Variants in EXT2 observed in about 807,000 individuals in gnomAD.
The protein encoded by EXT2 is exostosin-2.
EXT2 carries 53 observed loss-of-function variants against 81.6 expected under a neutral mutation model. That is an observed-to-expected ratio of 0.65 (90% CI 0.52 to 0.82). The LOEUF (loss-of-function observed/expected upper bound fraction) is 0.82. Among genes scored for constraint, EXT2 ranks in the 40% least tolerant of loss-of-function variants. The pLI is 0.00. For synonymous variants in EXT2, 320 were observed against 340.0 expected, an observed-to-expected ratio of 0.94 and a Z score of 0.65; for missense variants, 774 against 910.2, an observed-to-expected ratio of 0.85 and a Z score of 1.93.
intron 6 of EXT2, among the ~76,000 whole-genome samples, chr11:44,129,537 G>C (rs989588315): frequency 6.6e-6 from 1 of 152,214 alleles, no homozygotes; most frequent in African/African-American, 2.4e-5. Flanking sequence ...CTTCTGGCCT[G>C]CTTACTCTCT....
In EXT2 at chr11:44,142,292, T is replaced by C. The variant is rs531869599; in HGVS notation, c.1173+12154T>C. Among the ~76,000 whole-genome samples the C allele has an allele frequency of 2.0e-5, 3 of 152,380 alleles. No individual in the cohort carries two copies. The South Asian group carries it at 6.2e-4, about 32-fold the overall frequency. ...TTTTATAATAGCACAATTCATCTTATAATTCTGTGCTACTGTTCTTGGGAA... is the reference window on the plus strand; with the variant it reads ...TTTTATAATAGCACAATTCATCTTACAATTCTGTGCTACTGTTCTTGGGAA... On this transcript the variant is annotated intron_variant, in intron 7 of 13. Transcript: ENST00000533608.
At chr11:44,136,531 G>A (rs1453325204) in intron 7 of EXT2, among the ~76,000 whole-genome samples, 1 of 152,124 alleles carries the variant, frequency 6.6e-6, no homozygotes, top group Admixed American at 6.5e-5. Flanking sequence ...TTGAAAAAGT[G>A]GTTGCTTGAG....
intron 10 of EXT2, among the ~76,000 whole-genome samples, chr11:44,212,306 AATAAATAAATAAAT>A (rs1288888065): frequency 3.0e-4 from 2 of 6,744 alleles, no homozygotes; most frequent in African/African-American, 4.8e-4. Context: ...AATATAAATA[AATAAATAAATAAAT>A]AAATAAATAA....
intron 10 of EXT2, among the ~76,000 whole-genome samples, chr11:44,208,315 A>G (rs1282211842): frequency 6.6e-6 from 1 of 152,162 alleles, no homozygotes. Context: ...TCAAAACGAC[A>G]TGACCAAGAT....
chr11:44,125,294 TTTTACCCCCATATTCA>T (rs1391744332), intron 5 of EXT2, among the ~76,000 whole-genome samples: 2 of 152,182 alleles, frequency 1.3e-5, no homozygotes, highest in Non-Finnish European at 1.5e-5. Context: ...TGTATCTTGC[TTTTACCCCCATATTCA>T]TAAGGCAGTC....
intron 9 of EXT2, 56 bp from the exon 10 acceptor site, chr11:44,206,728 GCTTTTACTA>G: frequency 1.9e-6 from 3 of 1,561,082 alleles, no homozygotes; most frequent in Non-Finnish European, 2.6e-6. Flanking sequence ...GTGATGTCAT[GCTTTTACTA>G]CTTTATCTCC....
rs1169265845 is a variant in EXT2, at chr11:44,186,986, CT to C, written c.1306-10841del. On this transcript the variant is annotated intron_variant, in intron 8 of 13. Transcript: ENST00000533608. The stretch of plus-strand genomic sequence containing the variant: ...TTAGCTTGACCTTGTACAAAATTTC[CT>C]TCCTTCCTTCCTTCCTTCCTTCCTT... Among the ~76,000 whole-genome samples the C allele has an allele frequency of 4.1e-3, 118 of 28,472 alleles. 3 individuals carry two copies. The highest frequency in any genetic ancestry group is 0.015 in the African/African-American group (114 of 7,480). 18.7% of individuals were successfully genotyped at this position (28,472 alleles called of 152,430 possible).
In EXT2 at chr11:44,150,490, A is replaced by G. The variant is rs1301447024; in HGVS notation, c.1173+20352A>G. Among the ~76,000 whole-genome samples, 3 of 152,182 alleles carry G rather than the reference A, an allele frequency of 2.0e-5. No homozygotes were observed. The East Asian group carries it at 5.8e-4, about 29-fold the overall frequency. On this transcript the variant is annotated intron_variant, in intron 7 of 13. Transcript: ENST00000533608. ...TAGGAGAAATTAATTCCTAGCAAGA[A>G]TTATTGGGCTGTATAGGAGATCCTG... is the stretch of plus-strand genomic sequence containing the variant.
At chr11:44,129,373 C>T (rs1215753229) in intron 6 of EXT2, among the ~76,000 whole-genome samples, 3 of 152,200 alleles carry the variant, frequency 2.0e-5, no homozygotes, top group Admixed American at 6.5e-5. Context: ...TCTGTCTGTC[C>T]CATTTCTTCT....
intron 10 of EXT2, among the ~76,000 whole-genome samples, chr11:44,214,751 C>CT (rs535100279): frequency 0.023 from 3,190 of 138,434 alleles, 60 homozygotes; most frequent in African/African-American, 0.05. Context: ...AAAGAATTGA[C>CT]TTTTTTTTTT....
intron 7 of EXT2, among the ~76,000 whole-genome samples, chr11:44,165,197 T>G (rs1207899735): frequency 1.3e-5 from 2 of 152,186 alleles, no homozygotes; most frequent in African/African-American, 4.8e-5. Flanking sequence ...AAGATAGATA[T>G]AAATGTGGAC....
chr11:44,200,275 G>A (rs1955507183), intron 9 of EXT2, among the ~76,000 whole-genome samples: 1 of 149,398 alleles, frequency 6.7e-6, no homozygotes, highest in Non-Finnish European at 1.5e-5. Flanking sequence ...GAGGATTTGT[G>A]TAGGCAGAAA....
intron 1 of EXT2, chr11:44,096,276 T>C: frequency 6.5e-7 from 1 of 1,535,872 alleles, no homozygotes; most frequent in South Asian, 1.2e-5. Context: ...CAGGGTCCGG[T>C]GGTGGCCTGC....
intron 9 of EXT2, among the ~76,000 whole-genome samples, chr11:44,204,882 AT>A (rs1356382734): frequency 1.3e-5 from 2 of 152,046 alleles, no homozygotes; most frequent in Non-Finnish European, 2.9e-5. Flanking sequence ...ATGTATTCAT[AT>A]TTTATAAGGA....
intron 10 of EXT2, among the ~76,000 whole-genome samples, chr11:44,212,582 C>T (rs559133804): frequency 3.0e-4 from 46 of 152,112 alleles, no homozygotes; most frequent in Non-Finnish European, 5.0e-4. Context: ...GAAAACAGTT[C>T]GGCATATAGA....
chr11:44,166,713 G>A lies in EXT2; in HGVS notation c.1174-4898G>A, dbSNP rs564401543. 1.1e-4 allele frequency among the ~76,000 whole-genome samples: 17 copies of A among 152,254 alleles called. No homozygotes were observed. In the South Asian group the frequency reaches 3.5e-3, roughly 32 times the overall value. On this transcript the variant is annotated intron_variant, in intron 7 of 13. Transcript: ENST00000533608. ...TTGGGTTACTTTACAATTTCCCCAT[G>A]TTAAATTTTCACATGTTCACTCCCT...
At chr11:44,141,780 T>C (rs1195403536) in intron 7 of EXT2, among the ~76,000 whole-genome samples, 1 of 152,210 alleles carries the variant, frequency 6.6e-6, no homozygotes, top group Admixed American at 6.5e-5. Flanking sequence ...ATAGCCTCCC[T>C]AATAAAAGTG....
Position 44,244,331 on chromosome 11 carries a change from G to T in EXT2, c.*44G>T. 6.2e-7 allele frequency: 1 copy of T among 1,611,168 alleles called. No homozygotes were observed. The highest frequency in any genetic ancestry group is 8.5e-7 in the Non-Finnish European group (1 of 1,177,478). On this transcript the variant is annotated 3_prime_UTR_variant, in exon 14 of 14. Coordinates refer to ENST00000533608, the MANE Select transcript of EXT2 (RefSeq NM_207122.2). ...GTCTGAATGTGAGGCTGGGACAGAG[G>T]GAGAGAACAAGGCCTCCCAGCACTC...
rs1242739774 is a variant in EXT2 at position 44,244,167 on chromosome 11, G to GT, written c.2040dup (p.Ala681CysfsTer17). 1 of 1,614,080 alleles carries GT rather than the reference G, an allele frequency of 6.2e-7. No individual in the cohort carries two copies. The highest frequency in any genetic ancestry group is 1.1e-5 in the South Asian group (1 of 91,078). On this transcript the variant is annotated frameshift_variant, in exon 14 of 14. Transcript: ENST00000533608. LOFTEE classifies it high-confidence loss of function. ...CCCACAGGTCAGAGTGCATCAACAA[G>GT]TTTGCTTCAGTCTTCGGGACCATGC...
Sources: allele counts gnomAD v4.1 joint callset (sites outside exome capture counted in the v4.1 genomes callset), GRCh38; gene constraint gnomAD v4.1.1; transcripts MANE v1.5; gene names NCBI Gene and HGNC (gene_info 2026-07-23, HGNC 2026-07-21).